The following GXYLT2 variants were observed in gnomAD, a reference collection of about 807,000 sequenced individuals.
The protein encoded by GXYLT2 is glucoside xylosyltransferase 2, also known as glycosyltransferase 8 domain containing 4.
GXYLT2 carries 53 observed loss-of-function variants against 45.8 expected under a neutral mutation model. The observed-to-expected ratio is 1.16, with a 90% CI of 0.93 to 1.46. The LOEUF is 1.46. Among genes scored for constraint, GXYLT2 ranks in the 40% most tolerant of loss-of-function variants. The pLI, the probability that GXYLT2 is intolerant of heterozygous loss-of-function variation, is 0.00. For missense variants in GXYLT2, 551 were observed against 544.4 expected (o/e 1.01, Z -0.12); for synonymous variants, 219 against 214.2 (o/e 1.02, Z -0.19).
In GXYLT2 at chr3:72,955,170, A is replaced by G. The variant is rs1455977433; in HGVS notation, c.673A>G (p.Ile225Val). 1.9e-6 allele frequency: 3 copies of G among 1,614,010 alleles called. No homozygotes were observed. The African/African-American group carries it at 4.0e-5, about 22-fold the overall frequency. The change falls in exon 4 of 7, where the codon ATC becomes GTC. Residue 225 changes from isoleucine (I) to valine (V), a missense_variant. Ile to Val is a conservative substitution (Grantham distance 29). Transcript: ENST00000389617. ...CCTCTTTCTGAGACCTGTTGATGAC[A>G]TCTGGAAGCTTCTGAGGCTGTTTAA... ...DVLFLRPVDD[I>V]WKLLRLFNST...
chr3:72,928,719 A>T (rs1709964071), intron 3 of GXYLT2, among the ~76,000 whole-genome samples: 1 of 152,122 alleles, frequency 6.6e-6, no homozygotes, highest in East Asian at 1.9e-4. Context: ...TCAAAAATTC[A>T]AATGGTCCTT....
At chr3:72,947,822 G>A (rs1710440514) in intron 3 of GXYLT2, among the ~76,000 whole-genome samples, 1 of 151,986 alleles carries the variant, frequency 6.6e-6, no homozygotes, top group Non-Finnish European at 1.5e-5. Flanking sequence ...AGAAAGAAAT[G>A]CAGTGAAAGG....
intron 5 of GXYLT2, among the ~76,000 whole-genome samples, chr3:72,962,971 A>C (rs942579268): frequency 1.3e-5 from 2 of 152,070 alleles, no homozygotes; most frequent in Admixed American, 1.3e-4. Flanking sequence ...AAAAAACAAA[A>C]AAACTATTAG....
chr3:72,974,924 A>T, intron 6 of GXYLT2, 53 bp from the exon 7 acceptor site: 3 of 1,318,800 alleles, frequency 2.3e-6, no homozygotes, highest in Non-Finnish European at 3.2e-6. Flanking sequence ...AATGATCTGC[A>T]TTTAAAATGG....
At position 72,964,361 on chromosome 3, in the gene GXYLT2, C is replaced by T. The variant is rs377003451; in HGVS notation, c.977-3186C>T. Among the ~76,000 whole-genome samples the T allele has an allele frequency of 1.1e-4, 16 of 151,416 alleles. 1 individual carries two copies. The highest frequency in any genetic ancestry group is 3.4e-4 in the African/African-American group (14 of 41,266). On this transcript the variant is annotated intron_variant, in intron 5 of 6. Transcript: ENST00000389617. ...TTTTTGAGACAGAGTCTTGCTTTGT[C>T]GTTCGGGCTGGAGTGCAGTGGTGCG...
At chr3:72,955,444 T>C (rs1710622406) in intron 4 of GXYLT2, 95 bp downstream of exon 4, 7 of 1,202,394 alleles carry the variant, frequency 5.8e-6, no homozygotes, top group African/African-American at 1.5e-5. Context: ...ATTTTGGAAA[T>C]TGGGTGGCCT....
chr3:72,907,038 A>G (rs1709524853), intron 1 of GXYLT2, among the ~76,000 whole-genome samples: 1 of 152,182 alleles, frequency 6.6e-6, no homozygotes, highest in Non-Finnish European at 1.5e-5. Context: ...AGACAGGTGG[A>G]CCACCCAGAG....
intron 1 of GXYLT2, among the ~76,000 whole-genome samples, chr3:72,889,193 C>T (rs1051652560): frequency 7.2e-5 from 11 of 152,160 alleles, no homozygotes; most frequent in Non-Finnish European, 1.6e-4. Context: ...GGAGGCTTTT[C>T]ATCAGAGAGC....
intron 3 of GXYLT2, among the ~76,000 whole-genome samples, chr3:72,953,716 G>A (rs536538731): frequency 6.6e-6 from 1 of 152,306 alleles, no homozygotes; most frequent in East Asian, 1.9e-4. Context: ...GCCCTTTAGA[G>A]GAAAAAGGTT....
chr3:72,936,132 A>C (rs1359696339), intron 3 of GXYLT2, among the ~76,000 whole-genome samples: 1 of 152,204 alleles, frequency 6.6e-6, no homozygotes, highest in Admixed American at 6.5e-5. Context: ...TCTACTAAAA[A>C]TACAAAAAAT....
At position 72,899,765 on chromosome 3, in the gene GXYLT2, A is replaced by G. The variant is rs1273367367; in HGVS notation, c.276-8602A>G. Among the ~76,000 whole-genome samples, 3 of 152,236 alleles carry G rather than the reference A, an allele frequency of 2.0e-5. No individual in the cohort carries two copies. The East Asian group carries it at 5.8e-4, about 29-fold the overall frequency. ...ATTTGCAGACTTTCTCCTTGTTAAA[A>G]TAGCAAAAACGGTTTCATCTTGCAA... On this transcript the variant is annotated intron_variant, in intron 1 of 6. Coordinates refer to ENST00000389617, the MANE Select transcript of GXYLT2 (RefSeq NM_001080393.2).
At chr3:72,914,503 T>TTA (rs947081048) in intron 2 of GXYLT2, among the ~76,000 whole-genome samples, 94 of 150,626 alleles carry the variant, frequency 6.2e-4, no homozygotes, top group Admixed American at 3.5e-3. Flanking sequence ...ATGTATGTTT[T>TTA]TATATATATA....
intron 3 of GXYLT2, chr3:72,929,531 C>G: frequency 1.6e-6 from 2 of 1,223,202 alleles, no homozygotes; most frequent in Non-Finnish European, 2.4e-6. Context: ...TGGGAGCACC[C>G]GAATCTGGCT....
chr3:72,922,473 G>A, intron 3 of GXYLT2, 138 bp downstream of exon 3: 1 of 794,520 alleles, frequency 1.3e-6, no homozygotes, highest in Non-Finnish European at 1.9e-6. Context: ...CTCTAAGTCT[G>A]CAGCATGTAG....
At chr3:72,924,145 T>A in intron 3 of GXYLT2, among the ~76,000 whole-genome samples, 1 of 150,880 alleles carries the variant, frequency 6.6e-6, no homozygotes, top group East Asian at 1.9e-4. Flanking sequence ...CAGCAGAGAC[T>A]GGAGCTTGCA....
intron 6 of GXYLT2, among the ~76,000 whole-genome samples, chr3:72,972,651 A>G: frequency 6.6e-6 from 1 of 150,662 alleles, no homozygotes; most frequent in African/African-American, 2.4e-5. Flanking sequence ...GGAAAAAAAA[A>G]AAAAAAAAAA....
chr3:72,972,630 G>C (rs1575821320), intron 6 of GXYLT2, among the ~76,000 whole-genome samples: 1 of 109,456 alleles, frequency 9.1e-6, no homozygotes, highest in African/African-American at 3.9e-5. Context: ...GACAGAGCAA[G>C]ACTCTGTCTC....
intron 3 of GXYLT2, among the ~76,000 whole-genome samples, chr3:72,954,287 T>A (rs1220593038): frequency 6.6e-6 from 1 of 151,692 alleles, no homozygotes; most frequent in Non-Finnish European, 1.5e-5. Flanking sequence ...TTTGTATTTT[T>A]AGTAGAGACA....
chr3:72,942,058 G>A (rs1710312135), intron 3 of GXYLT2, among the ~76,000 whole-genome samples: 1 of 152,130 alleles, frequency 6.6e-6, no homozygotes, highest in East Asian at 1.9e-4. Context: ...CAGAAGGTAA[G>A]GATGTGCTAA....
Sources: gnomAD v4.1 joint callset for allele counts (sites outside exome capture counted in the v4.1 genomes callset) on GRCh38, gnomAD v4.1.1 for gene constraint, MANE v1.5 for transcripts, NCBI Gene and HGNC (gene_info 2026-07-23, HGNC 2026-07-21) for gene names.